Variants in SLC25A48 observed in about 807,000 individuals in gnomAD.
SLC25A48 encodes the protein solute carrier family 25 member 48.
Under a neutral mutation model 32.2 loss-of-function variants are expected in SLC25A48, and 29 were observed. The observed-to-expected ratio is 0.90, with a 90% CI of 0.67 to 1.23. The LOEUF is 1.23. Ranked by LOEUF, SLC25A48 falls within the 50% of genes most tolerant of loss-of-function variation. The pLI is 0.00. For synonymous variants in SLC25A48, 164 were observed against 172.3 expected (o/e 0.95, Z 0.38); for missense variants, 399 against 422.7 (o/e 0.94, Z 0.49).
chr5:135,640,722 T>A (rs1251502861), intron 3 of SLC25A48, among the ~76,000 whole-genome samples: 1 of 152,042 alleles, frequency 6.6e-6, no homozygotes, highest in African/African-American at 2.4e-5. Flanking sequence ...CTCACTATGA[T>A]TAAAAGAACA....
At chr5:135,866,148 T>C (rs1361650954) in intron 4 of SLC25A48, among the ~76,000 whole-genome samples, 1 of 152,212 alleles carries the variant, frequency 6.6e-6, no homozygotes, top group East Asian at 1.9e-4. Context: ...GGATTTTCTG[T>C]AGAAAGTGGC....
chr5:135,620,068 G>A (rs560723184), intron 1 of SLC25A48, among the ~76,000 whole-genome samples: 112 of 152,314 alleles, frequency 7.4e-4, no homozygotes, highest in African/African-American at 2.6e-3. Flanking sequence ...TGGCATGAGC[G>A]ATGGCAATAG....
At chr5:135,692,933 A>C (rs1038038245) in intron 3 of SLC25A48, among the ~76,000 whole-genome samples, 2 of 152,218 alleles carry the variant, frequency 1.3e-5, no homozygotes, top group African/African-American at 4.8e-5. Context: ...CAATGAGTAA[A>C]GGTCCTCTAA....
At chr5:135,821,841 C>A (rs1757895402) in intron 4 of SLC25A48, 1 of 152,214 alleles carries the variant, frequency 6.6e-6, no homozygotes, top group Admixed American at 6.5e-5. Flanking sequence ...CCGAGGGAGG[C>A]TTTGTCTTTT....
intron 4 of SLC25A48, among the ~76,000 whole-genome samples, chr5:135,867,497 C>T (rs769487248): frequency 1.3e-5 from 2 of 152,144 alleles, no homozygotes; most frequent in Non-Finnish European, 2.9e-5. Context: ...TGCTGAGGCT[C>T]CTGGCAACCC....
At chr5:135,612,795 A>T (rs571601037) in intron 1 of SLC25A48, among the ~76,000 whole-genome samples, 1 of 152,184 alleles carries the variant, frequency 6.6e-6, no homozygotes, top group Non-Finnish European at 1.5e-5. Flanking sequence ...GGTTTAGTAT[A>T]CCACGTTTTC....
At chr5:135,705,314 T>C (rs1754482519) in intron 3 of SLC25A48, among the ~76,000 whole-genome samples, 1 of 152,176 alleles carries the variant, frequency 6.6e-6, no homozygotes, top group Admixed American at 6.5e-5. Flanking sequence ...TGTTGATAAA[T>C]GGGAAGGCTG....
intron 3 of SLC25A48, among the ~76,000 whole-genome samples, chr5:135,664,896 T>C (rs1357835413): frequency 6.6e-6 from 1 of 152,216 alleles, no homozygotes; most frequent in Non-Finnish European, 1.5e-5. Flanking sequence ...CACATGCAAG[T>C]GTCTTTTTGA....
chr5:135,792,083 G>A (rs1757044859), intron 3 of SLC25A48, among the ~76,000 whole-genome samples: 1 of 151,694 alleles, frequency 6.6e-6, no homozygotes, highest in Admixed American at 6.6e-5. Context: ...TACTCCTAAT[G>A]TCACAGTGGG....
chr5:135,667,594 A>G (rs1037505165), intron 3 of SLC25A48, among the ~76,000 whole-genome samples: 2 of 152,238 alleles, frequency 1.3e-5, no homozygotes, highest in Non-Finnish European at 2.9e-5. Context: ...TTGGAATATA[A>G]TTTGGCTTCG....
At chr5:135,836,983 AC>A (rs55914847) in intron 1 of SLC25A48, among the ~76,000 whole-genome samples, 165 of 15,156 alleles carry the variant, frequency 0.011, 4 homozygotes, top group Middle Eastern at 0.1. Context: ...CCCCCCCCCC[AC>A]ACACACACAC....
chr5:135,780,921 G>A lies in SLC25A48; in HGVS notation c.-520-31602G>A, dbSNP rs1356086864. Among the ~76,000 whole-genome samples, 6 of 116,164 alleles carry A rather than the reference G, an allele frequency of 5.2e-5. 1 individual carries two copies. The highest frequency in any genetic ancestry group is 8.9e-5 in the Admixed American group (1 of 11,196). 76.2% of individuals were successfully genotyped at this position (116,164 alleles called of 152,430 possible). On this transcript the variant is annotated intron_variant, in intron 3 of 10. Coordinates refer to the SLC25A48 transcript ENST00000646290. ...TATTCCAGGGAGTGTACATCCCCCCGTAATATTGTTTTTAATATTCAGGGT... is the reference window on the plus strand; with the variant it reads ...TATTCCAGGGAGTGTACATCCCCCCATAATATTGTTTTTAATATTCAGGGT...
chr5:135,848,538 T>C (rs548422850), intron 2 of SLC25A48, among the ~76,000 whole-genome samples: 1 of 152,334 alleles, frequency 6.6e-6, no homozygotes, highest in Non-Finnish European at 1.5e-5. Context: ...TTTTCCTTCT[T>C]ATCACCCAGC....
At chr5:135,795,822 G>C (rs1451530281) in intron 3 of SLC25A48, among the ~76,000 whole-genome samples, 1 of 151,172 alleles carries the variant, frequency 6.6e-6, no homozygotes, top group African/African-American at 2.4e-5. Flanking sequence ...ATATCCAGGG[G>C]GGAGAGGGTG....
At chr5:135,698,442 C>T (rs1754317493) in intron 3 of SLC25A48, among the ~76,000 whole-genome samples, 1 of 152,212 alleles carries the variant, frequency 6.6e-6, no homozygotes, top group Non-Finnish European at 1.5e-5. Flanking sequence ...AGAACTGATA[C>T]TATCTTCAGC....
chr5:135,637,013 C>T (rs150689103), intron 3 of SLC25A48, among the ~76,000 whole-genome samples: 2 of 152,300 alleles, frequency 1.3e-5, no homozygotes, highest in Non-Finnish European at 1.5e-5. Context: ...CCTTTAAAAG[C>T]CAGCTGCTGT....
chr5:135,884,718 T>C (rs934530144), intron 7 of SLC25A48, among the ~76,000 whole-genome samples: 1 of 152,150 alleles, frequency 6.6e-6, no homozygotes, highest in African/African-American at 2.4e-5. Context: ...CATCCTAGAA[T>C]GTGTTTCTTA....
intron 1 of SLC25A48, among the ~76,000 whole-genome samples, chr5:135,589,117 G>A (rs1751446040): frequency 6.6e-6 from 1 of 152,160 alleles, no homozygotes; most frequent in South Asian, 2.1e-4. Flanking sequence ...TCCTGTGTAC[G>A]CATCTTTCTT....
At chr5:135,583,861 T>C (rs1187419515) in intron 1 of SLC25A48, among the ~76,000 whole-genome samples, 1 of 152,090 alleles carries the variant, frequency 6.6e-6, no homozygotes, top group Admixed American at 6.6e-5. Context: ...GCCTGTGGAG[T>C]CTGGGCAGCC....
Sources: gnomAD v4.1 joint callset for allele counts (sites outside exome capture counted in the v4.1 genomes callset) on GRCh38, gnomAD v4.1.1 for gene constraint, MANE v1.5 for transcripts, NCBI Gene and HGNC (gene_info 2026-07-23, HGNC 2026-07-21) for gene names.